Variants in ZNF492 observed in about 807,000 individuals in gnomAD.
The protein encoded by ZNF492 is zinc finger protein 115 (Y20).
In ZNF492, 3 loss-of-function variants were observed where a neutral mutation model predicts 6.4. The observed-to-expected ratio is 0.47, with a 90% CI of 0.21 to 1.22. The LOEUF (loss-of-function observed/expected upper bound fraction) is 1.22, where lower values mean the gene tolerates loss of function less well. ZNF492 is among the 50% of genes most tolerant of loss of function. The probability of loss-of-function intolerance (pLI) is 0.22; values close to 1 mark genes in which losing one functional copy is unlikely to be tolerated. For missense variants in ZNF492, 356 were observed against 612.5 expected, an observed-to-expected ratio of 0.58 and a Z score of 4.42; for synonymous variants, 112 against 205.3, an observed-to-expected ratio of 0.55 and a Z score of 3.89.
intron 1 of ZNF492, among the ~76,000 whole-genome samples, chr19:22,650,117 C>CT (rs1386892919): frequency 3.3e-5 from 5 of 152,094 alleles, no homozygotes; most frequent in Admixed American, 6.5e-5. Flanking sequence ...CTTGTGGGGA[C>CT]TTTTTTGTTG....
intron 1 of ZNF492, among the ~76,000 whole-genome samples, chr19:22,647,350 G>C (rs545477651): frequency 6.6e-6 from 1 of 150,846 alleles, no homozygotes; most frequent in South Asian, 2.1e-4. Flanking sequence ...TCCGCCTCCT[G>C]GGTTCAAGTG....
At chr19:22,661,660 G>A (rs62118824) in intron 3 of ZNF492, among the ~76,000 whole-genome samples, 29,310 of 151,804 alleles carry the variant, frequency 0.19, 3,675 homozygotes, top group African/African-American at 0.36. Flanking sequence ...GCAATGGCAT[G>A]GTCTCAGCCC....
chr19:22,647,379 C>A (rs1452241619), intron 1 of ZNF492, among the ~76,000 whole-genome samples: 2 of 149,690 alleles, frequency 1.3e-5, no homozygotes, highest in Non-Finnish European at 3.0e-5. Flanking sequence ...GCCCCAGCAT[C>A]CCAAGTAGCC....
At chr19:22,652,800 C>T (rs967406031) in intron 1 of ZNF492, among the ~76,000 whole-genome samples, 3 of 152,084 alleles carry the variant, frequency 2.0e-5, no homozygotes, top group Non-Finnish European at 2.9e-5. Context: ...AGGATAGTCT[C>T]GGTCTCCTGA....
intron 3 of ZNF492, among the ~76,000 whole-genome samples, chr19:22,661,983 A>T (rs1972063569): frequency 6.6e-6 from 1 of 151,928 alleles, no homozygotes; most frequent in South Asian, 2.1e-4. Flanking sequence ...TTTCTTATTT[A>T]TTTATTTCAT....
At chr19:22,650,401 T>G (rs1433086) in intron 1 of ZNF492, among the ~76,000 whole-genome samples, 3 of 151,662 alleles carry the variant, frequency 2.0e-5, no homozygotes, top group East Asian at 1.9e-4. Context: ...TTGGGTGGCA[T>G]GAGGAACAGA....
chr19:22,652,781 G>A (rs1443059799), intron 1 of ZNF492, among the ~76,000 whole-genome samples: 5 of 152,008 alleles, frequency 3.3e-5, no homozygotes, highest in African/African-American at 7.3e-5. Flanking sequence ...GGGTTTCACC[G>A]TGTTAGCCAG....
intron 3 of ZNF492, among the ~76,000 whole-genome samples, chr19:22,655,810 CTTGTTGTTTTTTTT>C (rs1399450775): frequency 8.4e-5 from 5 of 59,358 alleles, no homozygotes; most frequent in African/African-American, 3.7e-4. Flanking sequence ...TCAAGTTTTT[CTTGTTGTTTTTTTT>C]TTTTTTTTTT....
chr19:22,643,570 A>T (rs1028205698), intron 1 of ZNF492, among the ~76,000 whole-genome samples: 2 of 152,204 alleles, frequency 1.3e-5, no homozygotes, highest in African/African-American at 4.8e-5. Flanking sequence ...CCATACCTGC[A>T]GAATCACATT....
chr19:22,661,954 T>C (rs1291614013), intron 3 of ZNF492, among the ~76,000 whole-genome samples: 1 of 152,186 alleles, frequency 6.6e-6, no homozygotes, highest in Non-Finnish European at 1.5e-5. Flanking sequence ...ACAGTCTTTC[T>C]GCTGCTGTAA....
intron 1 of ZNF492, among the ~76,000 whole-genome samples, chr19:22,652,692 G>C (rs1971952918): frequency 6.6e-6 from 1 of 151,062 alleles, no homozygotes; most frequent in Non-Finnish European, 1.5e-5. Flanking sequence ...CCATTCTCCT[G>C]CCTCAGCCTC....
chr19:22,637,198 C>T (rs748603963), intron 1 of ZNF492, among the ~76,000 whole-genome samples: 5 of 151,466 alleles, frequency 3.3e-5, no homozygotes, highest in East Asian at 2.0e-4. Context: ...AGGCTGGTCT[C>T]GAATTCCTGA....
At chr19:22,645,350 G>T (rs1568353143) in intron 1 of ZNF492, among the ~76,000 whole-genome samples, 1 of 151,930 alleles carries the variant, frequency 6.6e-6, no homozygotes, top group Non-Finnish European at 1.5e-5. Flanking sequence ...CCCAGCCTTT[G>T]CTCACTTTTT....
chr19:22,654,225 G>C (rs2145255240), intron 3 of ZNF492, among the ~76,000 whole-genome samples: 1 of 152,126 alleles, frequency 6.6e-6, no homozygotes, highest in East Asian at 1.9e-4. Flanking sequence ...TTTCCCTTTG[G>C]TGATCTTCTT....
chr19:22,666,816 A>G lies in ZNF492; in HGVS notation c.*1551A>G, dbSNP rs569941365. On this transcript the variant is annotated 3_prime_UTR_variant, in exon 4 of 4. Transcript: ENST00000456783. The stretch of plus-strand genomic sequence containing the variant: ...CAGTACATGTTAAAAATTTTAGATT[A>G]TGTGTGAACTTAATTTCTTAATTCA... 1 of 152,214 alleles carries G rather than the reference A, an allele frequency of 6.6e-6. No homozygotes were observed. Among genetic ancestry groups the G allele is most frequent in the South Asian group, 2.1e-4 (1 of 4,834 alleles). The allele number at this position is 152,214 out of a possible 1,614,324, so 9.4% of individuals were successfully genotyped here. A position where few individuals can be genotyped will look rare whatever the true frequency, so the allele number is the denominator to read the frequency against.
At chr19:22,639,064 A>G (rs529722946) in intron 1 of ZNF492, among the ~76,000 whole-genome samples, 2 of 151,656 alleles carry the variant, frequency 1.3e-5, no homozygotes, top group Admixed American at 6.6e-5. Flanking sequence ...CTGGTCTTCA[A>G]CTCCTGACCT....
At chr19:22,637,170 G>A (rs2145240381) in intron 1 of ZNF492, among the ~76,000 whole-genome samples, 1 of 150,762 alleles carries the variant, frequency 6.6e-6, no homozygotes, top group African/African-American at 2.4e-5. Context: ...GTAGAGATGG[G>A]GTTTCACCAT....
chr19:22,642,407 T>TTTTTA (rs1971836808), intron 1 of ZNF492, among the ~76,000 whole-genome samples: 1 of 110,784 alleles, frequency 9.0e-6, no homozygotes. Flanking sequence ...TTTTTTTTTT[T>TTTTTA]GAGATGGAGT....
chr19:22,641,095 C>T (rs1005963795), intron 1 of ZNF492, among the ~76,000 whole-genome samples: 8 of 152,026 alleles, frequency 5.3e-5, no homozygotes, highest in African/African-American at 1.7e-4. Context: ...TTTTTCATGT[C>T]AAAATCTTCC....
Sources: allele counts gnomAD v4.1 joint callset (sites outside exome capture counted in the v4.1 genomes callset), GRCh38; gene constraint gnomAD v4.1.1; transcripts MANE v1.5; gene names NCBI Gene and HGNC (gene_info 2026-07-23, HGNC 2026-07-21).